The following ACBD5 variants were observed in gnomAD, a reference collection of about 807,000 sequenced individuals.
ACBD5 encodes acyl-CoA binding domain containing 5.
In ACBD5, 40 loss-of-function variants were observed where a neutral mutation model predicts 71.8. The observed-to-expected ratio is 0.56, with a 90% confidence interval of 0.43 to 0.72. The LOEUF (loss-of-function observed/expected upper bound fraction) is 0.72. Ranked by LOEUF, ACBD5 falls within the 30% of genes least tolerant of loss-of-function variation. ACBD5 has a pLI of 0.00. For missense variants in ACBD5, 559 were observed against 644.5 expected (o/e 0.87, Z 1.44); for synonymous variants, 229 against 218.6 (o/e 1.05, Z -0.42).
rs573489014 is a variant in ACBD5, at chr10:27,216,083, C to T, written c.830-442G>A. ...GAGACAGGGTTTCTCCATATTGGTG[C>T]GGCTGGTCTCAAACTCCTGAGCTCA... is the stretch of plus-strand genomic sequence containing the variant. On this transcript the variant is annotated intron_variant, in intron 7 of 12. Transcript: ENST00000396271. Among the ~76,000 whole-genome samples the T allele has an allele frequency of 1.1e-4, 17 of 152,012 alleles. No homozygotes were observed. The South Asian group carries it at 2.3e-3, about 20-fold the overall frequency.
intron 4 of ACBD5, among the ~76,000 whole-genome samples, chr10:27,226,444 C>CT (rs58845273): frequency 0.042 from 4,796 of 113,898 alleles, 199 homozygotes; most frequent in African/African-American, 0.12. Flanking sequence ...ACATGAGATA[C>CT]AGACTACACA....
intron 5 of ACBD5, among the ~76,000 whole-genome samples, chr10:27,221,909 C>T (rs1245693345): frequency 1.1e-5 from 1 of 91,354 alleles, no homozygotes; most frequent in African/African-American, 4.6e-5. Context: ...CAGAGGAAGA[C>T]TCCATCTCAA....
At chr10:27,208,662 AC>A (rs2060734568) in intron 9 of ACBD5, among the ~76,000 whole-genome samples, 2 of 152,124 alleles carry the variant, frequency 1.3e-5, no homozygotes, top group East Asian at 3.9e-4. Context: ...ACATGGCAAA[AC>A]CCTGTCTCTA....
Position 27,240,439 on chromosome 10 carries a change from G to C in ACBD5, c.61C>G (p.Pro21Ala). ...WESWCCCCLI[P>A]ADRPWDRGQH... ...CCCCGGTCCCAAGGTCTGTCGGCGGGAATCAGGCAGCAGCAGCACCAGCTT... is the reference window on the plus strand; with the variant it reads ...CCCCGGTCCCAAGGTCTGTCGGCGGCAATCAGGCAGCAGCAGCACCAGCTT... The change falls in exon 2 of 13, where the codon CCC becomes GCC. Residue 21 changes from proline (P) to alanine (A), a missense_variant. By Grantham distance (27) the Pro-to-Ala change is conservative (BLOSUM62 -1). Coordinates refer to ENST00000396271, the MANE Select transcript of ACBD5 (RefSeq NM_145698.5). The surrounding 1 kb of genome is among the most constrained non-coding windows in gnomAD (Gnocchi z 4.1). 1 of 1,614,072 alleles carries C rather than the reference G, an allele frequency of 6.2e-7. No homozygotes were observed. Among genetic ancestry groups the C allele is most frequent in the Non-Finnish European group, 8.5e-7 (1 of 1,180,008 alleles).
At chr10:27,183,757 G>A (rs1411040850) in intron 13 of ACBD5, among the ~76,000 whole-genome samples, 1 of 151,510 alleles carries the variant, frequency 6.6e-6, no homozygotes, top group African/African-American at 2.4e-5. Context: ...TGGGTCTGTC[G>A]CCCAGGCTGG....
intron 3 of ACBD5, among the ~76,000 whole-genome samples, chr10:27,234,806 C>T (rs760360032): frequency 7.2e-5 from 11 of 152,142 alleles, no homozygotes; most frequent in Non-Finnish European, 4.4e-5. Flanking sequence ...GTGGCGCGCA[C>T]CTGTAATCCC....
chr10:27,182,885 G>A (rs766880887), intron 13 of ACBD5, among the ~76,000 whole-genome samples: 8 of 151,672 alleles, frequency 5.3e-5, no homozygotes, highest in Non-Finnish European at 1.0e-4. Context: ...TGGGCTCAAA[G>A]GATCCTCCCA....
rs750902549 is a variant in ACBD5, at chr10:27,218,031, T to C, written c.778A>G (p.Ile260Val). The change falls in exon 7 of 13, where the codon ATT (isoleucine) becomes GTT (valine). Residue 260 changes from isoleucine (I) to valine (V), a missense_variant. By Grantham distance (29) the Ile-to-Val change is conservative. Transcript: ENST00000396271. ...NGRSTEEVKPIDENLGQTGKS... is the reference protein window; with the variant it reads ...NGRSTEEVKPVDENLGQTGKS... ...CCAGTTTGCCCCAAGTTTTCATCAA[T>C]GGGCTTTACTTCTTCAGTGCTTCTG... 9 of 1,614,064 alleles carry C rather than the reference T, an allele frequency of 5.6e-6. No individual in the cohort carries two copies. The East Asian group carries it at 1.8e-4, about 32-fold the overall frequency.
intron 12 of ACBD5, among the ~76,000 whole-genome samples, chr10:27,201,784 C>T (rs552056008): frequency 6.6e-6 from 1 of 152,310 alleles, no homozygotes; most frequent in Admixed American, 6.5e-5. Flanking sequence ...GCCTCCAGTC[C>T]TATATGTTTT....
At chr10:27,223,273 T>C (rs780616277) in intron 5 of ACBD5, 65 bp downstream of exon 5, 17 of 1,218,380 alleles carry the variant, frequency 1.4e-5, no homozygotes, top group Admixed American at 8.5e-5. Flanking sequence ...AAATCAGAGA[T>C]ACAAATATTA....
At chr10:27,206,250 A>G (rs753300601) in intron 10 of ACBD5, among the ~76,000 whole-genome samples, 1 of 152,042 alleles carries the variant, frequency 6.6e-6, no homozygotes, top group Non-Finnish European at 1.5e-5. Flanking sequence ...AAAATACATC[A>G]AAAGAATTTT....
chr10:27,207,792 T>C (rs2060626217), intron 10 of ACBD5, among the ~76,000 whole-genome samples: 1 of 152,150 alleles, frequency 6.6e-6, no homozygotes, highest in Admixed American at 6.5e-5. Context: ...TGGCGTGTAG[T>C]AGTGTGATCT....
rs1278185198 is a variant in ACBD5, at chr10:27,196,940, G to A, written c.*490C>T. ...TTCTTCCTGTGGTTTTCTACTACAT[G>A]CCATGGCAACTCCGTGACTAAGATA... On this transcript the variant is annotated 3_prime_UTR_variant, in exon 13 of 13. Transcript: ENST00000396271. The A allele has an allele frequency of 4.4e-6, 2 of 454,134 alleles. No homozygotes were observed. The highest frequency in any genetic ancestry group is 2.3e-5 in the Admixed American group (1 of 42,560). 28.1% of individuals were successfully genotyped at this position (454,134 alleles called of 1,614,324 possible).
At chr10:27,224,758 T>C (rs1396620224) in intron 4 of ACBD5, among the ~76,000 whole-genome samples, 1 of 152,136 alleles carries the variant, frequency 6.6e-6, no homozygotes, top group African/African-American at 2.4e-5. Context: ...GGGCCGGGCG[T>C]GGTGGCTCAC....
At position 27,188,880 on chromosome 10, in the gene ACBD5, A is replaced by G. The variant is rs558551210; in HGVS notation, c.1494-6165T>C. On this transcript the variant is annotated intron_variant, in intron 13 of 13. Coordinates refer to the ACBD5 transcript ENST00000676511. ...CTTTAAAAAACACCAACGGCCACCA[A>G]TAGAAATCCACTCATCTTTTGCTAT... Among the ~76,000 whole-genome samples, 5 of 152,336 alleles carry G rather than the reference A, an allele frequency of 3.3e-5. No individual in the cohort carries two copies. In the South Asian group the frequency reaches 8.3e-4, roughly 25 times the overall value.
intron 8 of ACBD5, 83 bp from the exon 9 acceptor site, chr10:27,211,164 CTGT>C: frequency 7.4e-7 from 1 of 1,352,170 alleles, no homozygotes. Flanking sequence ...AGGAGAAATA[CTGT>C]TTTCCTAAAA....
intron 3 of ACBD5, among the ~76,000 whole-genome samples, chr10:27,233,381 G>A (rs1035636216): frequency 2.0e-5 from 3 of 150,358 alleles, no homozygotes; most frequent in South Asian, 2.1e-4. Context: ...AGCCAAGATC[G>A]CGCCACTGCA....
At chr10:27,187,411 C>A (rs2058831519) in intron 13 of ACBD5, among the ~76,000 whole-genome samples, 2 of 152,154 alleles carry the variant, frequency 1.3e-5, no homozygotes, top group Admixed American at 1.3e-4. Flanking sequence ...ACGGTTTTGC[C>A]ACCTTAATTT....
rs1171824154 is a variant in ACBD5, at chr10:27,195,575, A to C, written c.*1855T>G. 2.2e-6 allele frequency: 1 copy of C among 450,192 alleles called. No homozygotes were observed. The highest frequency in any genetic ancestry group is 1.6e-5 in the South Asian group (1 of 63,162). The allele number at this position is 450,192 out of a possible 1,614,324, so 27.9% of individuals were successfully genotyped here. On this transcript the variant is annotated 3_prime_UTR_variant, in exon 13 of 13. Coordinates refer to ENST00000396271, the MANE Select transcript of ACBD5 (RefSeq NM_145698.5). ...AAATTGATATCTCATTTTTGAAAAT[A>C]ATCTTTGATCCACAGGTCTAAATGT...
Sources: allele counts gnomAD v4.1 joint callset (sites outside exome capture counted in the v4.1 genomes callset), GRCh38; gene constraint gnomAD v4.1.1; non-coding constraint Gnocchi (gnomAD v3.1); transcripts MANE v1.5; gene names NCBI Gene and HGNC (gene_info 2026-07-23, HGNC 2026-07-21).